The following RPS6KA5 variants were observed in gnomAD, a reference collection of about 807,000 sequenced individuals.
RPS6KA5 encodes the protein ribosomal protein S6 kinase alpha-5.
In RPS6KA5, 27 loss-of-function variants were observed where a neutral mutation model predicts 85.5. That is an observed-to-expected ratio of 0.32 (90% CI 0.23 to 0.44). The LOEUF is 0.44. RPS6KA5 is among the 20% of genes least tolerant of loss of function. The probability of loss-of-function intolerance (pLI) is 1.00; values close to 1 mark genes in which losing one functional copy is unlikely to be tolerated. For missense variants in RPS6KA5, 811 were observed against 980.9 expected (o/e 0.83, Z 2.31); for synonymous variants, 334 against 348.2 (o/e 0.96, Z 0.46).
chr14:91,055,949 C>T (rs538705176), intron 1 of RPS6KA5, among the ~76,000 whole-genome samples: 1 of 152,316 alleles, frequency 6.6e-6, no homozygotes, highest in East Asian at 1.9e-4. Flanking sequence ...GAAGGGGAAT[C>T]ACTAGACCCA....
chr14:90,942,691 T>A (rs2037635364), intron 5 of RPS6KA5, among the ~76,000 whole-genome samples: 1 of 152,240 alleles, frequency 6.6e-6, no homozygotes, highest in Admixed American at 6.5e-5. Flanking sequence ...CATGTCCTAC[T>A]TTGTTACCAC....
chr14:90,922,540 C>G (rs2036450324), intron 6 of RPS6KA5, among the ~76,000 whole-genome samples: 1 of 152,198 alleles, frequency 6.6e-6, no homozygotes, highest in African/African-American at 2.4e-5. Flanking sequence ...CCTCTGCCTC[C>G]CGGGTTCAAA....
intron 1 of RPS6KA5, among the ~76,000 whole-genome samples, chr14:91,022,946 A>G (rs1292288238): frequency 3.3e-5 from 5 of 152,052 alleles, no homozygotes; most frequent in Non-Finnish European, 7.4e-5. Context: ...TTAGCTGGGC[A>G]TGGTGGCGCA....
Position 90,852,053 on chromosome 14 carries a change from A to G in RPS6KA5, c.*20021T>C, listed in dbSNP as rs4904736. On this transcript the variant is annotated 3_prime_UTR_variant, in exon 17 of 17. Transcript: ENST00000614987. ...GTGGCATTCATCTACAGCAAAGACA[A>G]ATTATCGGTATCTTTTCTTTAAAAA... The G allele has an allele frequency of 0.74, 109,673 of 148,798 alleles. 42,303 individuals are homozygous for G. Among genetic ancestry groups the G allele is most frequent in the Middle Eastern group, 0.87 (251 of 288 alleles). The allele number at this position is 148,798 out of a possible 1,614,324, so 9.2% of individuals were successfully genotyped here.
chr14:90,932,366 C>G (rs1044474282), intron 5 of RPS6KA5, among the ~76,000 whole-genome samples: 1 of 152,206 alleles, frequency 6.6e-6, no homozygotes, highest in East Asian at 1.9e-4. Flanking sequence ...TCTCAAACTC[C>G]TGGGCTCAAG....
At chr14:91,001,027 T>C (rs2040764620) in intron 2 of RPS6KA5, 61 bp downstream of exon 2, 1 of 935,548 alleles carries the variant, frequency 1.1e-6, no homozygotes, top group Non-Finnish European at 1.7e-6. Flanking sequence ...ATATCAATCC[T>C]TCATCATAGG....
rs1459704376 is a variant in RPS6KA5, at chr14:90,861,891, T to C, written c.*10183A>G. ...GCAGCCTGGCGACAAAGACTCCATC[T>C]CAAAAAAAAAAAAAAAAAAGGGGAA... On this transcript the variant is annotated 3_prime_UTR_variant, in exon 17 of 17. Coordinates refer to ENST00000614987, the MANE Select transcript of RPS6KA5 (RefSeq NM_004755.4). 4.5e-5 allele frequency: 3 copies of C among 66,936 alleles called. No homozygotes were observed. Among genetic ancestry groups the C allele is most frequent in the Non-Finnish European group, 2.6e-5 (1 of 38,452 alleles). 4.1% of individuals were successfully genotyped at this position (66,936 alleles called of 1,614,324 possible). A position where few individuals can be genotyped will look rare whatever the true frequency, so the allele number is the denominator to read the frequency against.
chr14:90,981,108 T>C (rs1429934322), intron 2 of RPS6KA5, among the ~76,000 whole-genome samples: 2 of 152,136 alleles, frequency 1.3e-5, no homozygotes, highest in African/African-American at 4.8e-5. Flanking sequence ...GAGATGGAGG[T>C]TGCAGTGAGC....
At chr14:90,962,169 C>T (rs1333471663) in intron 3 of RPS6KA5, among the ~76,000 whole-genome samples, 3 of 152,160 alleles carry the variant, frequency 2.0e-5, no homozygotes, top group Non-Finnish European at 4.4e-5. Context: ...GTTCCACGGG[C>T]TTACATTATG....
At position 90,963,552 on chromosome 14, in the gene RPS6KA5, G is replaced by A. The variant is rs950962886; in HGVS notation, c.394+14754C>T. Among the ~76,000 whole-genome samples the A allele has an allele frequency of 8.8e-4, 133 of 151,934 alleles. 9 individuals are homozygous for A. The highest frequency in any genetic ancestry group is 4.6e-4 in the Admixed American group (7 of 15,248). On this transcript the variant is annotated intron_variant, in intron 3 of 16. Coordinates refer to ENST00000614987, the MANE Select transcript of RPS6KA5 (RefSeq NM_004755.4). ...TCCCATAAGGAAGAGCTTTCCCTTC[G>A]CCCCCAATTTATTGCACTTTCTTAC...
chr14:90,999,567 T>A (rs1250880723), intron 2 of RPS6KA5, among the ~76,000 whole-genome samples: 1 of 151,850 alleles, frequency 6.6e-6, no homozygotes, highest in Non-Finnish European at 1.5e-5. Context: ...GGGAGAAAAA[T>A]GACAGAAGCC....
chr14:90,936,196 CA>C (rs1379498523), intron 5 of RPS6KA5, among the ~76,000 whole-genome samples: 1 of 152,170 alleles, frequency 6.6e-6, no homozygotes, highest in Non-Finnish European at 1.5e-5. Context: ...TTTTTATTAT[CA>C]TAAAATATTT....
Position 91,060,385 on chromosome 14 carries a change from TC to T in RPS6KA5, c.49del (p.Asp17ThrfsTer21). 1 of 1,508,250 alleles carries T rather than the reference TC, an allele frequency of 6.6e-7. No homozygotes were observed. Among genetic ancestry groups the T allele is most frequent in the South Asian group, 1.3e-5 (1 of 78,574 alleles). The allele number at this position is 1,508,250 out of a possible 1,614,324, so 93.4% of individuals were successfully genotyped here. A position where few individuals can be genotyped will look rare whatever the true frequency, so the allele number is the denominator to read the frequency against. On this transcript the variant is annotated frameshift_variant, in exon 1 of 17. Coordinates refer to ENST00000614987, the MANE Select transcript of RPS6KA5 (RefSeq NM_004755.4). LOFTEE classifies it high-confidence loss of function. ...GAGCTGCTCTCCTCCGTCGCCGCCGTCCGCGCTGGTCCCCGCGGCGCCGCCG... is the reference window on the plus strand; with the variant it reads ...GAGCTGCTCTCCTCCGTCGCCGCCGTCGCGCTGGTCCCCGCGGCGCCGCCG... ...SSGGAAGTSA[D>X]GGDGGEQLLT...
intron 5 of RPS6KA5, among the ~76,000 whole-genome samples, chr14:90,931,800 GAA>G (rs1207358584): frequency 1.3e-5 from 2 of 152,078 alleles, no homozygotes; most frequent in African/African-American, 4.8e-5. Flanking sequence ...CTCAGTAGGA[GAA>G]AAGATAGACT....
chr14:90,982,270 T>A (rs569181291), intron 2 of RPS6KA5, among the ~76,000 whole-genome samples: 94 of 132,624 alleles, frequency 7.1e-4, no homozygotes, highest in Non-Finnish European at 1.1e-3. Flanking sequence ...ACTACCACAG[T>A]GAAAATTCCT....
intron 5 of RPS6KA5, among the ~76,000 whole-genome samples, chr14:90,936,381 T>G (rs1402303420): frequency 2.6e-5 from 4 of 151,960 alleles, no homozygotes; most frequent in African/African-American, 9.7e-5. Flanking sequence ...CTGGGCAACA[T>G]GGTGAAACCT....
In RPS6KA5 at chr14:90,942,711, T is replaced by A. The variant is rs2037637482; in HGVS notation, c.618+367A>T. Reference sequence around the variant, plus strand: ...CCTACTTTGTTACCACAATGTAAACTGTATGTACTTTGCTTTATGATTCTT... The same window carrying A: ...CCTACTTTGTTACCACAATGTAAACAGTATGTACTTTGCTTTATGATTCTT... On this transcript the variant is annotated intron_variant, in intron 5 of 16. Transcript: ENST00000614987. Among the ~76,000 whole-genome samples, 5 of 152,348 alleles carry A rather than the reference T, an allele frequency of 3.3e-5. No individual in the cohort carries two copies. In the South Asian group the frequency reaches 8.3e-4, roughly 25 times the overall value.
rs72471550 is a variant in RPS6KA5 at position 90,855,431 on chromosome 14, ATTATTTT to A, written c.*16636_*16642del. 30,766 of 151,382 alleles carry A rather than the reference ATTATTTT, an allele frequency of 0.2. 3,592 individuals carry two copies. Among genetic ancestry groups the A allele is most frequent in the Admixed American group, 0.29 (4,365 of 15,160 alleles). 9.4% of individuals were successfully genotyped at this position (151,382 alleles called of 1,614,324 possible). A position where few individuals can be genotyped will look rare whatever the true frequency, so the allele number is the denominator to read the frequency against. ...ACTCAAACAAAGGCCTGGTACTTAC[ATTATTTT>A]TTATTTTTTATTTTTTTGAGACGGA... On this transcript the variant is annotated 3_prime_UTR_variant, in exon 17 of 17. Coordinates refer to ENST00000614987, the MANE Select transcript of RPS6KA5 (RefSeq NM_004755.4).
chr14:90,919,656 C>T (rs1262359289), intron 7 of RPS6KA5, among the ~76,000 whole-genome samples: 2 of 152,066 alleles, frequency 1.3e-5, no homozygotes, highest in African/African-American at 4.8e-5. Context: ...AGCTTACAAT[C>T]TAGTGTGACA....
Sources: allele counts gnomAD v4.1 joint callset (sites outside exome capture counted in the v4.1 genomes callset), GRCh38; gene constraint gnomAD v4.1.1; transcripts MANE v1.5; gene names NCBI Gene and HGNC (gene_info 2026-07-23, HGNC 2026-07-21).